Variants in PCDHGB1 observed in about 807,000 individuals in gnomAD.
PCDHGB1 encodes protocadherin gamma subfamily B, 1, also known as protocadherin gamma-B1.
In PCDHGB1, 34 loss-of-function variants were observed where a neutral mutation model predicts 56.6. The observed-to-expected ratio is 0.60, with a 90% confidence interval of 0.46 to 0.80. The LOEUF is 0.80. PCDHGB1 is among the 30% of genes least tolerant of loss of function. The probability of loss-of-function intolerance (pLI) is 0.00; values close to 1 mark genes in which losing one functional copy is unlikely to be tolerated. For synonymous variants in PCDHGB1, 561 were observed against 505.9 expected (o/e 1.11, Z -1.46); for missense variants, 1,278 against 1,204.6 (o/e 1.06, Z -0.90).
intron 1 of PCDHGB1, chr5:141,399,783 C>T: frequency 6.2e-7 from 1 of 1,613,300 alleles, no homozygotes; most frequent in Non-Finnish European, 8.5e-7. Context: ...GCGACCGAAA[C>T]GACAACGCAC....
intron 1 of PCDHGB1, among the ~76,000 whole-genome samples, chr5:141,463,025 T>G (rs2099051289): frequency 6.6e-6 from 1 of 152,202 alleles, no homozygotes; most frequent in Non-Finnish European, 1.5e-5. Flanking sequence ...ACTTTTTTGA[T>G]TAATCTGAGT....
chr5:141,422,539 C>T (rs1335732614), intron 1 of PCDHGB1: 6 of 1,613,876 alleles, frequency 3.7e-6, no homozygotes, highest in Middle Eastern at 1.6e-4. Context: ...TGCAGAAACT[C>T]ATGTCTGGCT....
chr5:141,472,769 T>C (rs2154571402), intron 1 of PCDHGB1, among the ~76,000 whole-genome samples: 1 of 151,816 alleles, frequency 6.6e-6, no homozygotes, highest in South Asian at 2.1e-4. Context: ...GCAGATCACC[T>C]GAGGTTGGGA....
chr5:141,509,115 G>C (rs1480955058), intron 3 of PCDHGB1, among the ~76,000 whole-genome samples: 1 of 152,186 alleles, frequency 6.6e-6, no homozygotes, highest in Non-Finnish European at 1.5e-5. Flanking sequence ...GAGCGCTGGT[G>C]CGTGAAGAGA....
chr5:141,404,215 G>A, intron 1 of PCDHGB1: 1 of 1,613,346 alleles, frequency 6.2e-7, no homozygotes, highest in Non-Finnish European at 8.5e-7. Context: ...ATAATATCAC[G>A]GTGACTGCAA....
Position 141,489,400 on chromosome 5 carries a change from T to A in PCDHGB1, c.2410-5407T>A. 6.2e-7 allele frequency: 1 copy of A among 1,614,134 alleles called. No individual in the cohort carries two copies. Among genetic ancestry groups the A allele is most frequent in the Non-Finnish European group, 8.5e-7 (1 of 1,180,020 alleles). On this transcript the variant is annotated intron_variant, in intron 1 of 3. Transcript: ENST00000523390. This position sits in a 1 kb window ranked among gnomAD's most constrained non-coding sequence, Gnocchi z 4.5. ...GGGGAATGTTGCTCAGGATCTGGGC[T>A]TAAAGATGACAGATCTGTTGAGCCG...
chr5:141,392,915 T>A, intron 1 of PCDHGB1: 2 of 1,613,920 alleles, frequency 1.2e-6, no homozygotes, highest in Non-Finnish European at 1.7e-6. Flanking sequence ...TTCGCTACTC[T>A]GTGCCAGAAG....
rs2099622509 is a variant in PCDHGB1 at position 141,485,988 on chromosome 5, G to T, written c.2410-8819G>T. On this transcript the variant is annotated intron_variant, in intron 1 of 3. Coordinates refer to ENST00000523390, the MANE Select transcript of PCDHGB1 (RefSeq NM_018922.3). The surrounding 1 kb of genome is among the most constrained non-coding windows in gnomAD (Gnocchi z 5.7). The stretch of plus-strand genomic sequence containing the variant: ...CTCAATGCCTCAGACCCGGACCTGG[G>T]TCCCAGTGGTAACGTCACCTTTTAT... 16 of 1,614,188 alleles carry T rather than the reference G, an allele frequency of 9.9e-6. No homozygotes were observed. The highest frequency in any genetic ancestry group is 1.4e-5 in the Non-Finnish European group (16 of 1,180,038).
At chr5:141,360,926 T>A in intron 1 of PCDHGB1, 1 of 1,613,986 alleles carries the variant, frequency 6.2e-7, no homozygotes, top group Non-Finnish European at 8.5e-7. Context: ...GTGCTTCAAG[T>A]GACAGCCACC....
Position 141,490,835 on chromosome 5 carries a change from T to C in PCDHGB1, c.2410-3972T>C, listed in dbSNP as rs1284804400. 4 of 1,613,728 alleles carry C rather than the reference T, an allele frequency of 2.5e-6. No individual in the cohort carries two copies. The highest frequency in any genetic ancestry group is 1.1e-5 in the South Asian group (1 of 91,076). On this transcript the variant is annotated intron_variant, in intron 1 of 3. Transcript: ENST00000523390. This position sits in a 1 kb window ranked among gnomAD's most constrained non-coding sequence, Gnocchi z 5.4. ...TATGAATTGCTGCAGATGCTGCAGATTGTGGTGGGGGTTCGAGACTCCGGC... is the reference window on the plus strand; with the variant it reads ...TATGAATTGCTGCAGATGCTGCAGACTGTGGTGGGGGTTCGAGACTCCGGC...
chr5:141,352,485 G>A lies in PCDHGB1; in HGVS notation c.2225G>A (p.Gly742Glu), dbSNP rs2149769551. The change falls in exon 1 of 4, where the codon GGG (glycine) becomes GAG (glutamate). Residue 742 changes from glycine (G) to glutamate (E), a missense_variant. Physicochemically the swap from Gly to Glu is moderately conservative, Grantham distance 98 (BLOSUM62 -2). Coordinates refer to ENST00000523390, the MANE Select transcript of PCDHGB1 (RefSeq NM_018922.3). ...GPGVPPNHSE[G>E]TLPYSYNLCI... ...GGGGTTCCTCCCAACCACAGCGAGG[G>A]GACTTTGCCCTATTCCTACAATCTA... The A allele has an allele frequency of 2.5e-6, 4 of 1,613,958 alleles. No homozygotes were observed. Among genetic ancestry groups the A allele is most frequent in the Non-Finnish European group, 3.4e-6 (4 of 1,179,888 alleles).
intron 1 of PCDHGB1, chr5:141,399,680 A>G (rs1182095574): frequency 1.2e-6 from 2 of 1,613,514 alleles, no homozygotes; most frequent in East Asian, 2.2e-5. Context: ...GCCTTTGACT[A>G]CGAGCAGCTG....
intron 2 of PCDHGB1, among the ~76,000 whole-genome samples, chr5:141,504,490 TGC>T (rs2099838709): frequency 6.6e-6 from 1 of 152,056 alleles, no homozygotes; most frequent in Non-Finnish European, 1.5e-5. Flanking sequence ...TGGAGGCACC[TGC>T]CCAGTCTGAG....
chr5:141,399,682 G>A (rs778817737), intron 1 of PCDHGB1: 14 of 1,613,512 alleles, frequency 8.7e-6, no homozygotes, highest in Non-Finnish European at 1.2e-5. Flanking sequence ...CTTTGACTAC[G>A]AGCAGCTGCG....
At chr5:141,366,655 C>G in intron 1 of PCDHGB1, 2 of 1,614,220 alleles carry the variant, frequency 1.2e-6, no homozygotes, top group Non-Finnish European at 1.7e-6. Context: ...AGCCCAACTA[C>G]GCAGACACGC....
chr5:141,391,744 C>T (rs559357798), intron 1 of PCDHGB1: 1 of 152,230 alleles, frequency 6.6e-6, no homozygotes, highest in South Asian at 2.1e-4. Context: ...TCATACTTAT[C>T]CTTTGGCTTC....
At chr5:141,479,561 G>A (rs1032137833) in intron 1 of PCDHGB1, 1 of 152,270 alleles carries the variant, frequency 6.6e-6, no homozygotes, top group African/African-American at 2.4e-5. Context: ...CTATCCAGTA[G>A]TGGGATGACA....
intron 1 of PCDHGB1, chr5:141,426,519 C>T: frequency 8.8e-6 from 3 of 341,848 alleles, no homozygotes; most frequent in South Asian, 6.9e-5. Flanking sequence ...TTACCGTGAA[C>T]ACGGAGAATG....
intron 1 of PCDHGB1, among the ~76,000 whole-genome samples, chr5:141,358,101 A>C (rs1048505594): frequency 6.6e-6 from 1 of 152,166 alleles, no homozygotes; most frequent in African/African-American, 2.4e-5. Context: ...GAGGCATGAG[A>C]ATTGCTTGAA....
Sources: allele counts gnomAD v4.1 joint callset (sites outside exome capture counted in the v4.1 genomes callset), GRCh38; gene constraint gnomAD v4.1.1; non-coding constraint Gnocchi (gnomAD v3.1); transcripts MANE v1.5; gene names NCBI Gene and HGNC (gene_info 2026-07-23, HGNC 2026-07-21).